UBP1: variants seen among roughly 807,000 people sequenced by gnomAD.
The protein encoded by UBP1 is upstream binding protein 1.
In UBP1, 22 loss-of-function variants were observed where a neutral mutation model predicts 76.1. The observed-to-expected ratio is 0.29, with a 90% CI of 0.21 to 0.41. The LOEUF (loss-of-function observed/expected upper bound fraction) is 0.41. Ranked by LOEUF, UBP1 falls within the 10% of genes least tolerant of loss-of-function variation. The pLI, the probability that UBP1 is intolerant of heterozygous loss-of-function variation, is 1.00. For synonymous variants in UBP1, 224 were observed against 237.1 expected, an observed-to-expected ratio of 0.94 and a Z score of 0.51; for missense variants, 436 against 668.1, an observed-to-expected ratio of 0.65 and a Z score of 3.83.
chr3:33,422,519 T>C (rs1168918628), intron 2 of UBP1, among the ~76,000 whole-genome samples: 2 of 151,984 alleles, frequency 1.3e-5, no homozygotes, highest in Non-Finnish European at 2.9e-5. Context: ...GAGTCGGAGA[T>C]TAGCGTGGGC....
Position 33,400,983 on chromosome 3 carries a change from T to A in UBP1, c.1065A>T (p.Gly355=), listed in dbSNP as rs201496198. The A allele has an allele frequency of 2.5e-6, 4 of 1,595,062 alleles. No individual in the cohort carries two copies. Among genetic ancestry groups the A allele is most frequent in the Non-Finnish European group, 3.4e-6 (4 of 1,173,470 alleles). ...TTACTTCACCAGAGGTCTGTGAAGC[T>A]CCATCTCCCTGATGATTTGGGGAAG... ...NSSSPNHQGD[G]ASQTSGEQIQ... The change falls in exon 10 of 16, where the codon GGA becomes GGT. Residue 355 remains glycine (G), a synonymous_variant. Transcript: ENST00000283629.
intron 12 of UBP1, 153 bp from the exon 13 acceptor site, chr3:33,396,433 A>G (rs2043999040): frequency 1.8e-6 from 1 of 550,844 alleles, no homozygotes; most frequent in Non-Finnish European, 3.1e-6. Flanking sequence ...TAAAAATATA[A>G]AAACCACACA....
chr3:33,432,660 A>AT (rs2045133569), intron 1 of UBP1, among the ~76,000 whole-genome samples: 1 of 152,244 alleles, frequency 6.6e-6, no homozygotes, highest in Admixed American at 6.5e-5. Context: ...TTTCTAAAAC[A>AT]GTTTTAACCA....
intron 8 of UBP1, among the ~76,000 whole-genome samples, chr3:33,407,547 T>TA (rs35830232): frequency 0.011 from 1,480 of 135,618 alleles, 11 homozygotes; most frequent in African/African-American, 0.031. Flanking sequence ...CGAATTTATT[T>TA]AAAAAAAAAA....
intron 13 of UBP1, among the ~76,000 whole-genome samples, 154 bp from the exon 14 acceptor site, chr3:33,393,608 A>G (rs927150282): frequency 2.5e-4 from 38 of 152,236 alleles, no homozygotes; most frequent in Non-Finnish European, 5.9e-5. Flanking sequence ...TCTTTCCCCC[A>G]TCTTACTACC....
intron 4 of UBP1, among the ~76,000 whole-genome samples, chr3:33,412,186 C>CAAAAA (rs1227146812): frequency 7.9e-5 from 5 of 63,428 alleles, no homozygotes; most frequent in Non-Finnish European, 1.6e-4. Flanking sequence ...AACTCCGTCT[C>CAAAAA]AAAAAAAAAA....
intron 3 of UBP1, among the ~76,000 whole-genome samples, chr3:33,414,648 A>C (rs1176549640): frequency 6.6e-6 from 1 of 152,202 alleles, no homozygotes; most frequent in Admixed American, 6.5e-5. Context: ...AGCTAAAAAA[A>C]GGATGTAATT....
chr3:33,439,305 TA>T (rs1559696605), intron 1 of UBP1, among the ~76,000 whole-genome samples: 1 of 152,234 alleles, frequency 6.6e-6, no homozygotes, highest in Non-Finnish European at 1.5e-5. Flanking sequence ...GAAAAGATCA[TA>T]ATGTAGGACA....
chr3:33,433,450 C>T (rs1039281268), intron 1 of UBP1, among the ~76,000 whole-genome samples: 5 of 150,288 alleles, frequency 3.3e-5, no homozygotes, highest in South Asian at 2.1e-4. Context: ...GTCAGGAGCT[C>T]GAGACCAGCC....
At chr3:33,419,097 CAGAA>C (rs2044814387) in intron 2 of UBP1, among the ~76,000 whole-genome samples, 1 of 152,040 alleles carries the variant, frequency 6.6e-6, no homozygotes, top group Admixed American at 6.6e-5. Flanking sequence ...TAAAGTGTAA[CAGAA>C]AGAAGAGTTG....
Position 33,439,718 on chromosome 3 carries a change from G to A in UBP1, c.113+18C>T, listed in dbSNP as rs572761448. 2.5e-6 allele frequency: 4 copies of A among 1,608,706 alleles called. No homozygotes were observed. The highest frequency in any genetic ancestry group is 1.3e-5 in the African/African-American group (1 of 74,670). ...CCCAAGGAGACAGAGGCTTCTCCCC[G>A]CCCAGGGAGCCCAGTACCTCATGCT... On this transcript the variant is annotated intron_variant, in intron 1 of 15. Coordinates refer to ENST00000283629, the MANE Select transcript of UBP1 (RefSeq NM_014517.5).
rs187612943 is a variant in UBP1, at chr3:33,411,408, T to C, written c.555+173A>G. On this transcript the variant is annotated intron_variant, in intron 5 of 15. Transcript: ENST00000283629. ...TATCATAGAATGTCTTCATATATGT[T>C]AGTTTAAAATAGGGTGAACTTACTA... is the stretch of plus-strand genomic sequence containing the variant. Among the ~76,000 whole-genome samples the C allele has an allele frequency of 7.9e-5, 12 of 152,366 alleles. No homozygotes were observed. The East Asian group carries it at 1.3e-3, about 17-fold the overall frequency.
intron 1 of UBP1, among the ~76,000 whole-genome samples, chr3:33,437,671 T>A (rs1284134318): frequency 6.6e-6 from 1 of 152,220 alleles, no homozygotes; most frequent in African/African-American, 2.4e-5. Flanking sequence ...AAAGATAAGC[T>A]TTCCTTCCCA....
chr3:33,434,479 G>A (rs967097895), intron 1 of UBP1, among the ~76,000 whole-genome samples: 8 of 150,352 alleles, frequency 5.3e-5, no homozygotes, highest in African/African-American at 2.0e-4. Flanking sequence ...GTAAGATGGG[G>A]TTTCACCATG....
intron 1 of UBP1, among the ~76,000 whole-genome samples, chr3:33,433,365 TAAA>T (rs1170395728): frequency 0.09 from 10,164 of 113,082 alleles, 462 homozygotes; most frequent in Admixed American, 0.11. Flanking sequence ...ACCCAGCCTT[TAAA>T]AAAAAAAAAA....
chr3:33,398,342 A>G (rs934384822), intron 11 of UBP1: 2 of 152,254 alleles, frequency 1.3e-5, no homozygotes, highest in African/African-American at 2.4e-5. Context: ...CCCATGAGAC[A>G]TGAGCATTAA....
rs1553679258 is a variant in UBP1, at chr3:33,426,038, T to TAG, written c.114-299_114-298dup. On this transcript the variant is annotated intron_variant, in intron 1 of 15. Coordinates refer to ENST00000283629, the MANE Select transcript of UBP1 (RefSeq NM_014517.5). Reference sequence around the variant, plus strand: ...ATATATATATATATATATATATATATAGCACTTTAAAAACTTCTTTTAAAA... The same window carrying TAG: ...ATATATATATATATATATATATATATAGAGCACTTTAAAAACTTCTTTTAAAA... Among the ~76,000 whole-genome samples, 2 of 83,186 alleles carry TAG rather than the reference T, an allele frequency of 2.4e-5. 1 individual carries two copies. The highest frequency in any genetic ancestry group is 4.6e-5 in the Non-Finnish European group (2 of 43,512). The allele number at this position is 83,186 out of a possible 152,430, so 54.6% of individuals were successfully genotyped here. A position where few individuals can be genotyped will look rare whatever the true frequency, so the allele number is the denominator to read the frequency against.
chr3:33,411,471 C>T (rs1016549653), intron 5 of UBP1, 110 bp downstream of exon 5: 2 of 930,052 alleles, frequency 2.2e-6, no homozygotes, highest in African/African-American at 1.7e-5. Flanking sequence ...GACACTACAA[C>T]ATAGTTTATA....
chr3:33,439,658 G>C, intron 1 of UBP1, 78 bp downstream of exon 1: 1 of 1,479,224 alleles, frequency 6.8e-7, no homozygotes, highest in Non-Finnish European at 9.2e-7. Flanking sequence ...GGGAGCAGCC[G>C]CATCTGGCAG....
Sources: allele counts gnomAD v4.1 joint callset (sites outside exome capture counted in the v4.1 genomes callset), GRCh38; gene constraint gnomAD v4.1.1; transcripts MANE v1.5; gene names NCBI Gene and HGNC (gene_info 2026-07-23, HGNC 2026-07-21).